Variants in VCAN observed in about 807,000 individuals in gnomAD.
VCAN encodes the protein versican.
Under a neutral mutation model 245.5 loss-of-function variants are expected in VCAN, and 44 were observed. The ratio of observed to expected loss-of-function variants is 0.18; its 90% CI spans 0.14 to 0.23. VCAN has a LOEUF of 0.23. Among genes scored for constraint, VCAN ranks in the 10% least tolerant of loss-of-function variants. The probability of loss-of-function intolerance (pLI) is 1.00; values close to 1 mark genes in which losing one functional copy is unlikely to be tolerated. For missense variants in VCAN, 3,793 were observed against 4,057.9 expected (o/e 0.93, Z 1.77); for synonymous variants, 1,413 against 1,437.0 (o/e 0.98, Z 0.38).
intron 13 of VCAN, 149 bp from the exon 14 acceptor site, chr5:83,579,831 T>C: frequency 1.2e-6 from 1 of 856,578 alleles, no homozygotes; most frequent in Non-Finnish European, 1.8e-6. Flanking sequence ...ACATTTTCTT[T>C]TTGAAAAATT....
Position 83,580,853 on chromosome 5 carries a change from T to G in VCAN, c.*419T>G, listed in dbSNP as rs1341523295. 3.6e-6 allele frequency: 1 copy of G among 280,224 alleles called. No individual in the cohort carries two copies. The highest frequency in any genetic ancestry group is 6.9e-6 in the Non-Finnish European group (1 of 144,470). 17.4% of individuals were successfully genotyped at this position (280,224 alleles called of 1,614,324 possible). ...GAGTTTGGGCATATTTAATGATGAT[T>G]ATGGAGCCTTAGAGGTCTTTAATCA... On this transcript the variant is annotated 3_prime_UTR_variant, in exon 15 of 15. Transcript: ENST00000265077.
Position 83,521,677 on chromosome 5 carries a change from C to G in VCAN, c.3371C>G (p.Pro1124Arg). 6.2e-7 allele frequency: 1 copy of G among 1,613,836 alleles called. No homozygotes were observed. Among genetic ancestry groups the G allele is most frequent in the Non-Finnish European group, 8.5e-7 (1 of 1,179,992 alleles). The change falls in exon 7 of 15, where the codon CCA (proline) becomes CGA (arginine). Residue 1124 changes from proline to arginine, a missense_variant. Physicochemically the swap from Pro to Arg is moderately radical, Grantham distance 103. This residue lies in a region of VCAN where 3,182 missense variants were observed against 3,250.3 expected (regional missense o/e 0.98). Transcript: ENST00000265077. ...VKTDEVVTLT[P>R]RIGPKVSLSP... Reference sequence around the variant, plus strand: ...ACAGATGAAGTGGTAACACTAACACCACGCATTGGGCCAAAAGTATCTTTA... The same window carrying G: ...ACAGATGAAGTGGTAACACTAACACGACGCATTGGGCCAAAAGTATCTTTA...
At chr5:83,502,624 T>G (rs949779218) in intron 5 of VCAN, among the ~76,000 whole-genome samples, 3 of 152,236 alleles carry the variant, frequency 2.0e-5, no homozygotes, top group Non-Finnish European at 4.4e-5. Flanking sequence ...TCCTGCATCT[T>G]TAACCTCTTT....
At chr5:83,561,459 A>G (rs543569868) in intron 12 of VCAN, among the ~76,000 whole-genome samples, 278 of 152,266 alleles carry the variant, frequency 1.8e-3, no homozygotes, top group African/African-American at 6.5e-3. Context: ...ATATTTCTGG[A>G]AGATAACTCA....
intron 5 of VCAN, among the ~76,000 whole-genome samples, chr5:83,511,068 C>A (rs190163839): frequency 6.7e-6 from 1 of 150,072 alleles, no homozygotes; most frequent in Non-Finnish European, 1.5e-5. Context: ...GAGCCCAGAT[C>A]GTGCCACTGC....
In VCAN at chr5:83,540,865, A is replaced by C. The variant is rs1297409056; in HGVS notation, c.7862A>C (p.Glu2621Ala). 1 of 1,614,012 alleles carries C rather than the reference A, an allele frequency of 6.2e-7. No homozygotes were observed. Among genetic ancestry groups the C allele is most frequent in the Non-Finnish European group, 8.5e-7 (1 of 1,179,968 alleles). ...AATGATGACAGCACTCAAGTTCAAG[A>C]GATCTATGAGGCAGCTGTCAACCTT... Reference protein sequence around the residue: ...ESNDDSTQVQEIYEAAVNLSL... With the variant: ...ESNDDSTQVQAIYEAAVNLSL... The change falls in exon 8 of 15, where the codon GAG (glutamate) becomes GCG (alanine). Residue 2621 changes from glutamate (E) to alanine (A), a missense_variant. Physicochemically the swap from Glu to Ala is moderately radical, Grantham distance 107. This residue lies in a region of VCAN where 3,182 missense variants were observed against 3,250.3 expected (regional missense o/e 0.98). Coordinates refer to ENST00000265077, the MANE Select transcript of VCAN (RefSeq NM_004385.5).
Position 83,519,699 on chromosome 5 carries a change from G to A in VCAN, c.1393G>A (p.Gly465Ser), listed in dbSNP as rs771521134. Residue 465 changes from glycine (G) to serine (S), a missense_variant, in exon 7 of 15, where the codon GGC becomes AGC. Physicochemically the swap from Gly to Ser is moderately conservative, Grantham distance 56. Transcript: ENST00000265077. ...IKEEVLQSTTGVSHYATDSWD... is the reference protein window; with the variant it reads ...IKEEVLQSTTSVSHYATDSWD... ...GGAAGAAGTGCTCCAGAGTACAACTGGCGTCTCTCATTATGCTACGGATTC... is the reference window on the plus strand; with the variant it reads ...GGAAGAAGTGCTCCAGAGTACAACTAGCGTCTCTCATTATGCTACGGATTC... 3.7e-6 allele frequency: 6 copies of A among 1,614,028 alleles called. No homozygotes were observed. The African/African-American group carries it at 8.0e-5, about 22-fold the overall frequency.
chr5:83,567,357 A>G (rs1297175080), intron 12 of VCAN, among the ~76,000 whole-genome samples: 1 of 151,960 alleles, frequency 6.6e-6, no homozygotes, highest in African/African-American at 2.4e-5. Context: ...CTGGAGTGCA[A>G]TGGTGCGATC....
Position 83,579,716 on chromosome 5 carries a change from A to T in VCAN, c.9881-264A>T, listed in dbSNP as rs141410005. Among the ~76,000 whole-genome samples the T allele has an allele frequency of 8.0e-3, 1,213 of 152,282 alleles. 13 individuals carry two copies. Among genetic ancestry groups the T allele is most frequent in the African/African-American group, 0.028 (1,145 of 41,548 alleles). ...TTTGTCAGAATAGTGGCCCTTCCAG[A>T]GGGGTAGATGAATGTATGACCATTT... On this transcript the variant is annotated intron_variant, in intron 13 of 14. Coordinates refer to ENST00000265077, the MANE Select transcript of VCAN (RefSeq NM_004385.5).
rs569871516 is a variant in VCAN, at chr5:83,565,121, T to C, written c.9736-7295T>C. On this transcript the variant is annotated intron_variant, in intron 12 of 14. Transcript: ENST00000265077. ...AAGGTCTGCAGTATGAAAACATTTG[T>C]ACTTTTTGCTCAGGCACAAATTTGA... Among the ~76,000 whole-genome samples the C allele has an allele frequency of 8.7e-4, 132 of 152,172 alleles. 1 individual carries two copies. The highest frequency in any genetic ancestry group is 1.5e-3 in the Non-Finnish European group (103 of 68,032).
intron 5 of VCAN, among the ~76,000 whole-genome samples, chr5:83,506,933 T>C (rs1400034855): frequency 2.6e-5 from 4 of 152,076 alleles, no homozygotes; most frequent in African/African-American, 7.2e-5. Flanking sequence ...TTAACTATCA[T>C]GAGAATAGCA....
At chr5:83,517,013 T>A (rs1277559765) in intron 6 of VCAN, among the ~76,000 whole-genome samples, 4 of 152,180 alleles carry the variant, frequency 2.6e-5, no homozygotes, top group Non-Finnish European at 4.4e-5. Flanking sequence ...TTTTCTTTTT[T>A]AAAATAGGGC....
At chr5:83,542,335 A>G in intron 8 of VCAN, 67 bp downstream of exon 8, 1 of 1,500,746 alleles carries the variant, frequency 6.7e-7, no homozygotes. Flanking sequence ...TAACGTTTAT[A>G]TGTATGTAAT....
chr5:83,521,115 G>T lies in VCAN; in HGVS notation c.2809G>T (p.Val937Leu). Residue 937 changes from valine (V) to leucine (L), a missense_variant, in exon 7 of 15, where the codon GTA (valine) becomes TTA (leucine). Around this residue, in one of 5 missense-constraint regions of VCAN, gnomAD observed 3,182 missense variants for 3,250.3 expected, o/e 0.98. Coordinates refer to ENST00000265077, the MANE Select transcript of VCAN (RefSeq NM_004385.5). The stretch of plus-strand genomic sequence containing the variant: ...AGAAGATGTGGACCTCTCTAAGCCA[G>T]TATCTACTGTTCCCCAATTTGCACA... ...EVEDVDLSKP[V>L]STVPQFAHTS... 1 of 1,614,106 alleles carries T rather than the reference G, an allele frequency of 6.2e-7. No homozygotes were observed. Among genetic ancestry groups the T allele is most frequent in the Non-Finnish European group, 8.5e-7 (1 of 1,179,996 alleles).
chr5:83,478,613 T>G (rs778791039), intron 1 of VCAN, among the ~76,000 whole-genome samples: 1 of 152,222 alleles, frequency 6.6e-6, no homozygotes, highest in African/African-American at 2.4e-5. Flanking sequence ...ACTATGCAGC[T>G]GTCAAAAATA....
At chr5:83,477,619 C>T (rs1299822071) in intron 1 of VCAN, among the ~76,000 whole-genome samples, 2 of 152,060 alleles carry the variant, frequency 1.3e-5, no homozygotes, top group East Asian at 3.9e-4. Context: ...AACCCAGTGC[C>T]ATTCTAGGAA....
intron 5 of VCAN, among the ~76,000 whole-genome samples, chr5:83,498,125 A>G (rs915310882): frequency 1.3e-5 from 2 of 151,864 alleles, no homozygotes; most frequent in East Asian, 1.9e-4. Flanking sequence ...TACTATTCCA[A>G]TTCTCTGTTT....
intron 7 of VCAN, chr5:83,535,548 C>CT (rs1421239149): frequency 1.3e-5 from 2 of 152,052 alleles, no homozygotes; most frequent in Non-Finnish European, 2.9e-5. Flanking sequence ...CTATATTTGT[C>CT]TTGATTCATA....
chr5:83,494,056 C>T (rs151174924), intron 5 of VCAN, 125 bp downstream of exon 5: 294 of 1,484,974 alleles, frequency 2.0e-4, no homozygotes, highest in African/African-American at 2.5e-4. Flanking sequence ...TTTGTTTATA[C>T]GACTGTATGA....
Sources: gnomAD v4.1 joint callset for allele counts (sites outside exome capture counted in the v4.1 genomes callset) on GRCh38, gnomAD v4.1.1 for gene constraint, gnomAD v4.1.1 regional missense constraint, MANE v1.5 for transcripts, NCBI Gene and HGNC (gene_info 2026-07-23, HGNC 2026-07-21) for gene names.